Variants in NFATC3 observed in about 807,000 individuals in gnomAD.
The protein encoded by NFATC3 is nuclear factor of activated T cells 3.
A neutral mutation model predicts 98.6 loss-of-function variants in NFATC3; 46 were observed. That is an observed-to-expected ratio of 0.47 (90% confidence interval 0.37 to 0.60). The LOEUF (loss-of-function observed/expected upper bound fraction) is 0.60, where lower values mean the gene tolerates loss of function less well. Among genes scored for constraint, NFATC3 ranks in the 20% least tolerant of loss-of-function variants. NFATC3 has a pLI of 0.00. For missense variants in NFATC3, 1,256 were observed against 1,295.5 expected, an observed-to-expected ratio of 0.97 and a Z score of 0.47; for synonymous variants, 512 against 472.2, an observed-to-expected ratio of 1.08 and a Z score of -1.09.
At chr16:68,220,996 C>T (rs2041844314) in intron 9 of NFATC3, among the ~76,000 whole-genome samples, 4 of 152,148 alleles carry the variant, frequency 2.6e-5, no homozygotes, top group Admixed American at 2.6e-4. Context: ...ATCTTCCTGC[C>T]TTGGCTTCCC....
At chr16:68,112,452 A>G (rs541270258) in intron 1 of NFATC3, among the ~76,000 whole-genome samples, 1 of 149,346 alleles carries the variant, frequency 6.7e-6, no homozygotes. Context: ...TGATTTTTGT[A>G]TTTTTAGTAG....
chr16:68,190,720 A>G, intron 8 of NFATC3, 48 bp from the exon 9 acceptor site: 1 of 1,528,854 alleles, frequency 6.5e-7, no homozygotes, highest in Non-Finnish European at 8.8e-7. Context: ...TGTCATGATA[A>G]TTTTATGTAT....
In NFATC3 at chr16:68,185,362, G is replaced by A. The variant is rs147509856; in HGVS notation, c.2098+1996G>A. On this transcript the variant is annotated intron_variant, in intron 8 of 9. Coordinates refer to ENST00000346183, the MANE Select transcript of NFATC3 (RefSeq NM_173165.3). ...ACCTGCTGTTAAACTTTCTTAAGTA[G>A]CACTCAAATTCTTCAAGGCGGGTGG... 7.9e-3 allele frequency among the ~76,000 whole-genome samples: 1,208 copies of A among 152,180 alleles called. 34 individuals are homozygous for A. Among genetic ancestry groups the A allele is most frequent in the South Asian group, 7.5e-3 (36 of 4,816 alleles).
chr16:68,211,460 A>G (rs148073592), intron 9 of NFATC3, among the ~76,000 whole-genome samples: 8,662 of 151,728 alleles, frequency 0.057, 328 homozygotes, highest in Non-Finnish European at 0.091. Context: ...TGCTGGGATT[A>G]CAGGCGTGAG....
rs545374040 is a variant in NFATC3, at chr16:68,115,574, G to A, written c.104-6413G>A. On this transcript the variant is annotated intron_variant, in intron 1 of 9. Coordinates refer to ENST00000346183, the MANE Select transcript of NFATC3 (RefSeq NM_173165.3). ...CAAGTAGCTGGGATTACAGGCACGC[G>A]GCACCATGCCCAGCTAATTTTTGTA... Among the ~76,000 whole-genome samples, 24 of 151,868 alleles carry A rather than the reference G, an allele frequency of 1.6e-4. No individual in the cohort carries two copies. In the South Asian group the frequency reaches 1.7e-3, roughly 11 times the overall value.
intron 1 of NFATC3, among the ~76,000 whole-genome samples, chr16:68,111,277 A>G (rs1278006874): frequency 6.6e-6 from 1 of 152,222 alleles, no homozygotes; most frequent in Admixed American, 6.5e-5. Flanking sequence ...GTAGGTTTCT[A>G]AAAACTTGTT....
At chr16:68,129,162 A>G (rs2036993726) in intron 3 of NFATC3, among the ~76,000 whole-genome samples, 1 of 152,116 alleles carries the variant, frequency 6.6e-6, no homozygotes, top group Non-Finnish European at 1.5e-5. Context: ...CTCTTTCAGA[A>G]GCTGAAGTGG....
chr16:68,145,799 C>T (rs1427309326), intron 3 of NFATC3, among the ~76,000 whole-genome samples: 1 of 152,082 alleles, frequency 6.6e-6, no homozygotes, highest in Non-Finnish European at 1.5e-5. Context: ...GATAAAATTG[C>T]ATAAAACTAT....
chr16:68,111,945 G>T (rs2035967239), intron 1 of NFATC3, among the ~76,000 whole-genome samples: 1 of 152,108 alleles, frequency 6.6e-6, no homozygotes, highest in African/African-American at 2.4e-5. Flanking sequence ...TTGAATATTG[G>T]CATCCAATCT....
At position 68,213,290 on chromosome 16, in the gene NFATC3, C is replaced by T. The variant is rs554772066; in HGVS notation, c.3107-13060C>T. ...ATTAGCCGGGCGTGGTGGCGGGCAC[C>T]TGTGGTCCCAGGTACTCAGGAGGCT... On this transcript the variant is annotated intron_variant, in intron 9 of 9. Transcript: ENST00000346183. 5.9e-5 allele frequency among the ~76,000 whole-genome samples: 9 copies of T among 151,276 alleles called. 1 individual carries two copies. The highest frequency in any genetic ancestry group is 2.2e-4 in the African/African-American group (9 of 41,356).
chr16:68,200,576 G>C (rs2040870396), intron 9 of NFATC3: 2 of 152,000 alleles, frequency 1.3e-5, no homozygotes, highest in Non-Finnish European at 2.9e-5. Context: ...ATTCCTTTGG[G>C]GGTTACAACA....
At chr16:68,176,923 G>A (rs1479944636) in intron 6 of NFATC3, among the ~76,000 whole-genome samples, 1 of 152,038 alleles carries the variant, frequency 6.6e-6, no homozygotes, top group Non-Finnish European at 1.5e-5. Flanking sequence ...TCTTTGTGGG[G>A]AGCCATTAAC....
chr16:68,174,464 G>A lies in NFATC3; in HGVS notation c.1865G>A (p.Gly622Glu), dbSNP rs781700316. Residue 622 changes from glycine to glutamate, a missense_variant, in exon 6 of 10, where the codon GGA (glycine) becomes GAA (glutamate). Gly to Glu is a moderately conservative substitution (Grantham distance 98). This residue lies in a region of NFATC3 where 636 missense variants were observed against 617.3 expected (regional missense o/e 1.03). Transcript: ENST00000346183. ...VNGGHEMVVT[G>E]SNFLPESKII... is the part of the protein sequence containing the mutation. ...GGAGGTCATGAAATGGTTGTGACTGGATCTAATTTTCTTCCAGAATCCAAA... is the reference window on the plus strand; with the variant it reads ...GGAGGTCATGAAATGGTTGTGACTGAATCTAATTTTCTTCCAGAATCCAAA... 6.2e-7 allele frequency: 1 copy of A among 1,603,626 alleles called. No individual in the cohort carries two copies. The highest frequency in any genetic ancestry group is 1.7e-5 in the Admixed American group (1 of 58,786).
intron 3 of NFATC3, among the ~76,000 whole-genome samples, chr16:68,138,130 G>T (rs187110834): frequency 6.6e-6 from 1 of 151,886 alleles, no homozygotes; most frequent in Admixed American, 6.6e-5. Flanking sequence ...CTGCCTGCTG[G>T]GATCTAGTGA....
intron 3 of NFATC3, among the ~76,000 whole-genome samples, chr16:68,152,378 C>CAAAAAAAAAA (rs34713933): frequency 1.3e-5 from 1 of 75,854 alleles, no homozygotes; most frequent in South Asian, 4.2e-4. Context: ...GACTCTGTCT[C>CAAAAAAAAAA]AAAAAAAAAA....
chr16:68,166,959 C>T lies in NFATC3; in HGVS notation c.1718C>T (p.Pro573Leu). Reference protein sequence around the residue: ...RVRLVFRVHIPQPSGKVLSLQ... With the variant: ...RVRLVFRVHILQPSGKVLSLQ... ...CGACTTGTGTTTCGTGTACACATCC[C>T]ACAGCCCAGTGGAAAAGTCCTTTCT... Residue 573 changes from proline (P) to leucine (L), a missense_variant, in exon 5 of 10, where the codon CCA becomes CTA. Coordinates refer to ENST00000346183, the MANE Select transcript of NFATC3 (RefSeq NM_173165.3). The T allele has an allele frequency of 1.2e-6, 2 of 1,614,160 alleles. No homozygotes were observed. Among genetic ancestry groups the T allele is most frequent in the South Asian group, 2.2e-5 (2 of 91,080 alleles).
intron 9 of NFATC3, chr16:68,218,188 A>C (rs2041709103): frequency 2.0e-5 from 5 of 254,210 alleles, no homozygotes; most frequent in Non-Finnish European, 3.1e-5. Flanking sequence ...TCAACCTCCC[A>C]AAGTGCTGGG....
chr16:68,143,369 T>C (rs2037860748), intron 3 of NFATC3, among the ~76,000 whole-genome samples: 1 of 152,152 alleles, frequency 6.6e-6, no homozygotes, highest in African/African-American at 2.4e-5. Context: ...TAATTTAAAA[T>C]AGGTAATAGT....
At chr16:68,183,450 T>C (rs2040029232) in intron 8 of NFATC3, 84 bp downstream of exon 8, 1 of 1,490,014 alleles carries the variant, frequency 6.7e-7, no homozygotes, top group Non-Finnish European at 9.1e-7. Flanking sequence ...ATTACAGTGT[T>C]TAAGGTAGAG....
Sources: gnomAD v4.1 joint callset for allele counts (sites outside exome capture counted in the v4.1 genomes callset) on GRCh38, gnomAD v4.1.1 for gene constraint, gnomAD v4.1.1 regional missense constraint, MANE v1.5 for transcripts, NCBI Gene and HGNC (gene_info 2026-07-23, HGNC 2026-07-21) for gene names.